The following RARB variants were observed in gnomAD, a reference collection of about 807,000 sequenced individuals.
The protein encoded by RARB is retinoic acid receptor beta.
RARB carries 17 observed loss-of-function variants against 51.9 expected under a neutral mutation model. That is an observed-to-expected ratio of 0.33 (90% CI 0.22 to 0.49). RARB has a LOEUF of 0.49. Among genes scored for constraint, RARB ranks in the 20% least tolerant of loss-of-function variants. The pLI, the probability that RARB is intolerant of heterozygous loss-of-function variation, is 0.99. For missense variants in RARB, 369 were observed against 550.8 expected, an observed-to-expected ratio of 0.67 and a Z score of 3.30; for synonymous variants, 215 against 195.4, an observed-to-expected ratio of 1.10 and a Z score of -0.84.
At chr3:25,363,361 C>T (rs1706012024) in intron 5 of RARB, among the ~76,000 whole-genome samples, 1 of 152,074 alleles carries the variant, frequency 6.6e-6, no homozygotes, top group African/African-American at 2.4e-5. Context: ...CATCCAGCTG[C>T]CAGCTAGGTA....
intron 5 of RARB, among the ~76,000 whole-genome samples, chr3:25,275,704 C>T (rs1198191210): frequency 6.6e-6 from 1 of 150,538 alleles, no homozygotes; most frequent in Admixed American, 6.7e-5. Flanking sequence ...CATCATTGCC[C>T]TTAATAAAGA....
chr3:24,959,319 A>G (rs1409355411), intron 2 of RARB, among the ~76,000 whole-genome samples: 1 of 152,132 alleles, frequency 6.6e-6, no homozygotes, highest in Non-Finnish European at 1.5e-5. Flanking sequence ...TTTTATTGCC[A>G]ATGGAAGTGG....
chr3:25,075,440 T>A lies in RARB; in HGVS notation c.-328+15264T>A, dbSNP rs536316788. On this transcript the variant is annotated intron_variant, in intron 3 of 11. Coordinates refer to the RARB transcript ENST00000383772. Reference sequence around the variant, plus strand: ...TGGAAGTGGCAAAAGAGCAGAAAGATGGATGCTGAGCCTGGGGCATTCCTG... The same window carrying A: ...TGGAAGTGGCAAAAGAGCAGAAAGAAGGATGCTGAGCCTGGGGCATTCCTG... Among the ~76,000 whole-genome samples, 4 of 152,274 alleles carry A rather than the reference T, an allele frequency of 2.6e-5. No homozygotes were observed. The East Asian group carries it at 5.8e-4, about 22-fold the overall frequency.
intron 3 of RARB, among the ~76,000 whole-genome samples, chr3:25,531,808 G>A (rs1698937549): frequency 6.6e-6 from 1 of 151,810 alleles, no homozygotes; most frequent in South Asian, 2.1e-4. Context: ...CTGCCAGGTA[G>A]GAATTTGAGA....
chr3:25,333,463 T>A (rs1036033270), intron 5 of RARB, among the ~76,000 whole-genome samples: 1 of 152,044 alleles, frequency 6.6e-6, no homozygotes, highest in African/African-American at 2.4e-5. Context: ...CTGGGAAAAC[T>A]GGCTAGCCAT....
chr3:25,073,826 A>G (rs1175798198), intron 3 of RARB, among the ~76,000 whole-genome samples: 2 of 148,330 alleles, frequency 1.3e-5, no homozygotes, highest in Non-Finnish European at 3.0e-5. Context: ...GGGAAACAAT[A>G]GTGACTTTTT....
At chr3:24,852,248 G>A (rs181709758) in intron 1 of RARB, among the ~76,000 whole-genome samples, 31 of 152,180 alleles carry the variant, frequency 2.0e-4, no homozygotes, top group African/African-American at 4.8e-4. Context: ...GCACCATTTC[G>A]CACATTTCAA....
intron 5 of RARB, among the ~76,000 whole-genome samples, chr3:25,319,990 C>T (rs1379747702): frequency 6.6e-6 from 1 of 151,066 alleles, no homozygotes; most frequent in Non-Finnish European, 1.5e-5. Context: ...ACAGTGGGGA[C>T]ATTTTCTCTG....
At chr3:24,851,020 T>G (rs1247053565) in intron 1 of RARB, among the ~76,000 whole-genome samples, 1 of 152,170 alleles carries the variant, frequency 6.6e-6, no homozygotes, top group East Asian at 1.9e-4. Context: ...CAAGCCAGTG[T>G]TTAGATTATC....
chr3:25,569,658 C>A, intron 3 of RARB, 100 bp from the exon 4 acceptor site: 1 of 1,354,060 alleles, frequency 7.4e-7, no homozygotes, highest in Non-Finnish European at 1.0e-6. Flanking sequence ...TCCCAAATAT[C>A]AAATGAGCTT....
intron 5 of RARB, among the ~76,000 whole-genome samples, chr3:25,240,336 T>C (rs1398756488): frequency 1.3e-5 from 2 of 152,188 alleles, no homozygotes; most frequent in African/African-American, 2.4e-5. Context: ...TCATACCTGA[T>C]TGCTGTGACT....
At chr3:25,485,627 T>G (rs1396517283) in intron 2 of RARB, among the ~76,000 whole-genome samples, 2 of 152,208 alleles carry the variant, frequency 1.3e-5, no homozygotes, top group Non-Finnish European at 2.9e-5. Context: ...ACGGCCCATC[T>G]GGAGTCTCCT....
intron 4 of RARB, among the ~76,000 whole-genome samples, chr3:25,574,572 T>C (rs1700845458): frequency 1.3e-5 from 2 of 152,130 alleles, no homozygotes; most frequent in Admixed American, 6.5e-5. Context: ...CCGCCTCTGC[T>C]CCCGGCCTCC....
chr3:25,250,995 C>T (rs1471696756), intron 5 of RARB, among the ~76,000 whole-genome samples: 3 of 152,066 alleles, frequency 2.0e-5, no homozygotes, highest in Admixed American at 2.0e-4. Flanking sequence ...GCTTTTCTCC[C>T]TTTCATTGCC....
At position 25,569,661 on chromosome 3, in the gene RARB, A is replaced by G. The variant is rs4081949; in HGVS notation, c.449-97A>G. 69,451 of 1,369,568 alleles carry G rather than the reference A, an allele frequency of 0.051. 3,515 individuals carry two copies. Among genetic ancestry groups the G allele is most frequent in the African/African-American group, 0.22 (14,962 of 68,566 alleles). 84.8% of individuals were successfully genotyped at this position (1,369,568 alleles called of 1,614,324 possible). A position where few individuals can be genotyped will look rare whatever the true frequency, so the allele number is the denominator to read the frequency against. On this transcript the variant is annotated intron_variant, in intron 3 of 7. Coordinates refer to ENST00000330688, the MANE Select transcript of RARB (RefSeq NM_000965.5). ...CCACTGTTTCTGTCCCAAATATCAA[A>G]TGAGCTTAAGGCAGCCTTGGGAGGT...
intron 3 of RARB, among the ~76,000 whole-genome samples, chr3:25,533,551 G>C (rs1027526990): frequency 6.6e-6 from 1 of 152,232 alleles, no homozygotes; most frequent in African/African-American, 2.4e-5. Flanking sequence ...TGATTAGTGA[G>C]AAGTGAGGGA....
chr3:25,295,792 C>A (rs994485189), intron 5 of RARB, among the ~76,000 whole-genome samples: 2 of 152,064 alleles, frequency 1.3e-5, no homozygotes, highest in South Asian at 4.1e-4. Flanking sequence ...TAATGAATAC[C>A]AATCTAAATG....
intron 1 of RARB, among the ~76,000 whole-genome samples, chr3:24,848,772 G>C (rs556066269): frequency 5.3e-5 from 8 of 152,070 alleles, no homozygotes; most frequent in African/African-American, 1.2e-4. Context: ...TTTACTTCAC[G>C]ATGTCCTAGA....
intron 2 of RARB, among the ~76,000 whole-genome samples, chr3:25,001,098 G>T (rs1697149682): frequency 6.6e-6 from 1 of 152,018 alleles, no homozygotes; most frequent in African/African-American, 2.4e-5. Context: ...GTCAAATGTT[G>T]AGAAATGTGT....
Sources: gnomAD v4.1 joint callset for allele counts (sites outside exome capture counted in the v4.1 genomes callset) on GRCh38, gnomAD v4.1.1 for gene constraint, MANE v1.5 for transcripts, NCBI Gene and HGNC (gene_info 2026-07-23, HGNC 2026-07-21) for gene names.